The following SPATA17 variants were observed in gnomAD, a reference collection of about 807,000 sequenced individuals.
The protein encoded by SPATA17 is spermatogenesis associated 17, also known as spermatogenesis-associated protein 17.
In SPATA17, 53 loss-of-function variants were observed where a neutral mutation model predicts 62.2. That is an observed-to-expected ratio of 0.85 (90% CI 0.68 to 1.07). SPATA17 has a LOEUF of 1.07. Among genes scored for constraint, SPATA17 ranks in the 50% least tolerant of loss-of-function variants. The pLI is 0.00. For synonymous variants in SPATA17, 146 were observed against 146.8 expected (o/e 0.99, Z 0.04); for missense variants, 466 against 425.5 (o/e 1.10, Z -0.84).
intron 7 of SPATA17, among the ~76,000 whole-genome samples, chr1:217,776,521 A>T (rs570111132): frequency 6.6e-6 from 1 of 151,970 alleles, no homozygotes; most frequent in African/African-American, 2.4e-5. Context: ...CTCTTACTCA[A>T]GTTCTCTCAT....
intron 9 of SPATA17, among the ~76,000 whole-genome samples, chr1:217,842,261 C>T (rs539501981): frequency 2.0e-5 from 3 of 151,984 alleles, no homozygotes; most frequent in Non-Finnish European, 4.4e-5. Context: ...AGATTGGTCT[C>T]TAGTTTTCCT....
intron 7 of SPATA17, among the ~76,000 whole-genome samples, chr1:217,775,243 G>A (rs1466798112): frequency 6.6e-6 from 1 of 152,124 alleles, no homozygotes; most frequent in Non-Finnish European, 1.5e-5. Context: ...TTGAAGAAAT[G>A]TCTATTCTAA....
chr1:217,822,654 AAT>A (rs1216494048), intron 9 of SPATA17, among the ~76,000 whole-genome samples: 1 of 148,166 alleles, frequency 6.7e-6, no homozygotes, highest in African/African-American at 2.4e-5. Context: ...ATATAAAATA[AAT>A]ATATATTTTA....
intron 9 of SPATA17, chr1:217,850,574 A>G (rs1675627340): frequency 6.3e-7 from 1 of 1,595,828 alleles, no homozygotes; most frequent in Non-Finnish European, 8.6e-7. Context: ...CGATGGTGTC[A>G]CTGGGCTCCA....
chr1:217,814,424 T>A (rs1674665995), intron 9 of SPATA17, among the ~76,000 whole-genome samples: 1 of 152,190 alleles, frequency 6.6e-6, no homozygotes, highest in African/African-American at 2.4e-5. Context: ...TGTGCAGCTG[T>A]ACACTGTGGT....
At position 217,770,978 on chromosome 1, in the gene SPATA17, A is replaced by ATTTTTTTTTTTTTT. The variant is rs374042087; in HGVS notation, c.520-3339_520-3326dup. ...ATGTATCTATTATATAACTCATTGC[A>ATTTTTTTTTTTTTT]TTTTTTTTTTTTTTTTTTTTTTTTT... On this transcript the variant is annotated intron_variant, in intron 6 of 10. Transcript: ENST00000366933. Among the ~76,000 whole-genome samples, 21 of 50,140 alleles carry ATTTTTTTTTTTTTT rather than the reference A, an allele frequency of 4.2e-4. 3 individuals carry two copies. Among genetic ancestry groups the ATTTTTTTTTTTTTT allele is most frequent in the South Asian group, 1.0e-3 (1 of 1,002 alleles). The allele number at this position is 50,140 out of a possible 152,430, so 32.9% of individuals were successfully genotyped here. A position where few individuals can be genotyped will look rare whatever the true frequency, so the allele number is the denominator to read the frequency against.
chr1:217,790,413 A>T (rs555828288), intron 8 of SPATA17, among the ~76,000 whole-genome samples: 1 of 152,256 alleles, frequency 6.6e-6, no homozygotes, highest in Non-Finnish European at 1.5e-5. Context: ...CATTGTAGTA[A>T]ATATCAGTAA....
intron 9 of SPATA17, among the ~76,000 whole-genome samples, chr1:217,847,218 G>A (rs1362169084): frequency 6.6e-6 from 1 of 151,854 alleles, no homozygotes; most frequent in East Asian, 1.9e-4. Flanking sequence ...ATTTTTGTAT[G>A]TATTAAATCA....
chr1:217,778,301 C>T (rs1026870410), intron 7 of SPATA17, among the ~76,000 whole-genome samples: 1 of 152,046 alleles, frequency 6.6e-6, no homozygotes, highest in Non-Finnish European at 1.5e-5. Context: ...GGTGGATCAC[C>T]TACGAGGTCA....
intron 3 of SPATA17, among the ~76,000 whole-genome samples, chr1:217,667,869 T>C (rs2102895970): frequency 6.6e-6 from 1 of 152,348 alleles, no homozygotes; most frequent in Middle Eastern, 3.4e-3. Flanking sequence ...AATGAAGAAA[T>C]GTTGTTGTGT....
At chr1:217,667,193 G>A (rs902708910) in intron 3 of SPATA17, among the ~76,000 whole-genome samples, 5 of 151,264 alleles carry the variant, frequency 3.3e-5, no homozygotes, top group African/African-American at 7.3e-5. Context: ...GATTACAGTC[G>A]CCTGCCACTA....
intron 3 of SPATA17, among the ~76,000 whole-genome samples, chr1:217,662,863 C>T (rs955189434): frequency 3.3e-5 from 5 of 152,022 alleles, no homozygotes; most frequent in Admixed American, 2.0e-4. Context: ...ATAGGACTTC[C>T]AAATCAGTTA....
At chr1:217,771,192 C>G in intron 6 of SPATA17, among the ~76,000 whole-genome samples, 1 of 151,134 alleles carries the variant, frequency 6.6e-6, no homozygotes, top group Admixed American at 6.6e-5. Flanking sequence ...GTTAGCATGA[C>G]AGTACTGCAA....
At chr1:217,683,792 A>AAT (rs1671156286) in intron 5 of SPATA17, among the ~76,000 whole-genome samples, 3 of 151,948 alleles carry the variant, frequency 2.0e-5, no homozygotes, top group Admixed American at 6.5e-5. Flanking sequence ...ATTGATAAAA[A>AAT]ATATATATAT....
intron 3 of SPATA17, among the ~76,000 whole-genome samples, chr1:217,662,653 C>T (rs1336188405): frequency 6.6e-6 from 1 of 151,948 alleles, no homozygotes; most frequent in Non-Finnish European, 1.5e-5. Flanking sequence ...CATCAAATTC[C>T]ATTGTATGTT....
At chr1:217,865,782 T>G (rs1334509648) in intron 10 of SPATA17, among the ~76,000 whole-genome samples, 2 of 152,218 alleles carry the variant, frequency 1.3e-5, no homozygotes, top group East Asian at 1.9e-4. Flanking sequence ...TGAGTTTTCA[T>G]GCATTACAGG....
At chr1:217,780,511 A>C (rs367884491) in intron 7 of SPATA17, among the ~76,000 whole-genome samples, 163 of 152,288 alleles carry the variant, frequency 1.1e-3, no homozygotes, top group African/African-American at 3.6e-3. Flanking sequence ...AATAAGTTCC[A>C]GAACAACAGT....
chr1:217,800,556 G>T (rs1481447588), intron 8 of SPATA17, among the ~76,000 whole-genome samples: 1 of 151,984 alleles, frequency 6.6e-6, no homozygotes, highest in Non-Finnish European at 1.5e-5. Flanking sequence ...ATGAACCTGG[G>T]GATTTCATTA....
chr1:217,723,550 T>G (rs555358665), intron 5 of SPATA17, among the ~76,000 whole-genome samples: 168 of 152,362 alleles, frequency 1.1e-3, no homozygotes, highest in Middle Eastern at 3.4e-3. Flanking sequence ...ATTTTCATAT[T>G]GCCCATCCTT....
Sources: gnomAD v4.1 joint callset for allele counts (sites outside exome capture counted in the v4.1 genomes callset) on GRCh38, gnomAD v4.1.1 for gene constraint, MANE v1.5 for transcripts, NCBI Gene and HGNC (gene_info 2026-07-23, HGNC 2026-07-21) for gene names.